The following STK39 variants were observed in gnomAD, a reference collection of about 807,000 sequenced individuals.
STK39 encodes the protein serine/threonine kinase 39.
In STK39, 20 loss-of-function variants were observed where a neutral mutation model predicts 77.8. The ratio of observed to expected loss-of-function variants is 0.26; its 90% CI spans 0.18 to 0.37. The LOEUF (loss-of-function observed/expected upper bound fraction) is 0.37. Ranked by LOEUF, STK39 falls within the 10% of genes least tolerant of loss-of-function variation. The pLI, the probability that STK39 is intolerant of heterozygous loss-of-function variation, is 1.00. For synonymous variants in STK39, 246 were observed against 234.1 expected, an observed-to-expected ratio of 1.05 and a Z score of -0.47; for missense variants, 479 against 656.5, an observed-to-expected ratio of 0.73 and a Z score of 2.95.
At chr2:168,016,464 G>A (rs1166853287) in intron 15 of STK39, among the ~76,000 whole-genome samples, 1 of 148,136 alleles carries the variant, frequency 6.8e-6, no homozygotes, top group African/African-American at 2.5e-5. Flanking sequence ...CCAGTTTCCT[G>A]AAGTGCTCAC....
chr2:168,148,983 A>G (rs142375849), intron 5 of STK39, among the ~76,000 whole-genome samples: 5 of 152,324 alleles, frequency 3.3e-5, no homozygotes, highest in Non-Finnish European at 7.3e-5. Flanking sequence ...TTAGAATATG[A>G]TAACTTCTCA....
In STK39 at chr2:168,172,209, G is replaced by A. The variant is rs146221963; in HGVS notation, c.322-4802C>T. Among the ~76,000 whole-genome samples the A allele has an allele frequency of 2.5e-3, 375 of 152,214 alleles. 4 individuals are homozygous for A. Among genetic ancestry groups the A allele is most frequent in the African/African-American group, 8.7e-3 (363 of 41,538 alleles). On this transcript the variant is annotated intron_variant, in intron 2 of 17. Coordinates refer to ENST00000355999, the MANE Select transcript of STK39 (RefSeq NM_013233.3). The stretch of plus-strand genomic sequence containing the variant: ...GTCTGTTCAATGTCTCAGTTTCTTC[G>A]TTGCGTGTGAGCATCGCCCTAATCT...
At chr2:168,043,448 A>C (rs1185108004) in intron 14 of STK39, among the ~76,000 whole-genome samples, 3 of 152,220 alleles carry the variant, frequency 2.0e-5, no homozygotes, top group East Asian at 3.8e-4. Flanking sequence ...AGGCAAACAA[A>C]CAACCCCCAA....
intron 2 of STK39, among the ~76,000 whole-genome samples, chr2:168,170,475 G>A (rs145223448): frequency 2.9e-3 from 437 of 152,282 alleles, no homozygotes; most frequent in Non-Finnish European, 4.6e-3. Context: ...GAGTTAAAGC[G>A]GTGCTTCCCT....
chr2:168,038,350 A>T (rs1394261648), intron 14 of STK39, among the ~76,000 whole-genome samples: 1 of 152,082 alleles, frequency 6.6e-6, no homozygotes, highest in Non-Finnish European at 1.5e-5. Flanking sequence ...ACAAGTGTGT[A>T]TCTGGAAGGA....
chr2:168,219,065 C>A (rs745651917), intron 1 of STK39, among the ~76,000 whole-genome samples: 1 of 152,018 alleles, frequency 6.6e-6, no homozygotes, highest in Admixed American at 6.6e-5. Flanking sequence ...TTAGGTGGAA[C>A]CTTGAAAGAT....
chr2:167,975,749 G>A (rs1248469185), intron 16 of STK39, among the ~76,000 whole-genome samples: 1 of 152,204 alleles, frequency 6.6e-6, no homozygotes. Flanking sequence ...GGGAGGCGGA[G>A]TTTGCAGTGC....
chr2:168,115,082 C>T (rs763998991), intron 10 of STK39, among the ~76,000 whole-genome samples: 1 of 152,090 alleles, frequency 6.6e-6, no homozygotes, highest in African/African-American at 2.4e-5. Flanking sequence ...GCCTGAAGTA[C>T]CTCGTATAAT....
chr2:168,091,721 A>C (rs1279770442), intron 10 of STK39, among the ~76,000 whole-genome samples: 1 of 152,170 alleles, frequency 6.6e-6, no homozygotes, highest in African/African-American at 2.4e-5. Context: ...TAAATGCATA[A>C]GGTGAAAATA....
intron 8 of STK39, among the ~76,000 whole-genome samples, chr2:168,133,826 C>A (rs1687763202): frequency 6.6e-6 from 1 of 151,370 alleles, no homozygotes; most frequent in Non-Finnish European, 1.5e-5. Context: ...CCATTCCACT[C>A]CAGCCTGGGT....
In STK39 at chr2:168,182,134, G is replaced by A. The variant is rs1246909039; in HGVS notation, c.209-44C>T. ...AACATCAGCGATCAAATGGCACACT[G>A]TGAGGTTACTATCTGTAACTATTTT... On this transcript the variant is annotated intron_variant, in intron 1 of 17. Coordinates refer to ENST00000355999, the MANE Select transcript of STK39 (RefSeq NM_013233.3). 7 of 1,504,160 alleles carry A rather than the reference G, an allele frequency of 4.7e-6. 1 individual carries two copies. In the South Asian group the frequency reaches 7.9e-5, roughly 17 times the overall value. 93.2% of individuals were successfully genotyped at this position (1,504,160 alleles called of 1,614,324 possible).
At chr2:168,235,192 C>G (rs1470431599) in intron 1 of STK39, among the ~76,000 whole-genome samples, 1 of 152,056 alleles carries the variant, frequency 6.6e-6, no homozygotes, top group East Asian at 1.9e-4. Context: ...CATGTGCCAC[C>G]ATGCCCAGCT....
At chr2:168,134,880 C>T (rs1355194320) in intron 8 of STK39, among the ~76,000 whole-genome samples, 2 of 152,156 alleles carry the variant, frequency 1.3e-5, no homozygotes, top group East Asian at 3.8e-4. Flanking sequence ...CACCAGTAAA[C>T]TTTCAGGTTA....
chr2:168,119,799 C>T (rs1574480642), intron 10 of STK39, among the ~76,000 whole-genome samples: 1 of 152,080 alleles, frequency 6.6e-6, no homozygotes, highest in Non-Finnish European at 1.5e-5. Flanking sequence ...GCATAACCTT[C>T]GATATTTTAT....
chr2:168,011,248 G>A (rs1379612965), intron 16 of STK39, among the ~76,000 whole-genome samples: 1 of 146,382 alleles, frequency 6.8e-6, no homozygotes, highest in Non-Finnish European at 1.5e-5. Flanking sequence ...GCAGTGGGCC[G>A]AGATTACACC....
At chr2:168,235,598 T>TC (rs1252207942) in intron 1 of STK39, among the ~76,000 whole-genome samples, 1 of 85,606 alleles carries the variant, frequency 1.2e-5, no homozygotes, top group East Asian at 4.2e-4. Context: ...ATGCTATCCC[T>TC]CCCCCCTCCC....
intron 5 of STK39, 66 bp from the exon 6 acceptor site, chr2:168,140,824 T>C: frequency 1.5e-6 from 2 of 1,310,298 alleles, no homozygotes; most frequent in African/African-American, 1.5e-5. Flanking sequence ...TTGTGATTTT[T>C]TGAGCATGTC....
chr2:168,091,730 T>C (rs922974466), intron 10 of STK39, among the ~76,000 whole-genome samples: 4 of 152,116 alleles, frequency 2.6e-5, no homozygotes, highest in South Asian at 4.1e-4. Flanking sequence ...AAGGTGAAAA[T>C]AGGATAACAA....
At chr2:167,977,644 G>A (rs1246321928) in intron 16 of STK39, among the ~76,000 whole-genome samples, 9 of 151,014 alleles carry the variant, frequency 6.0e-5, no homozygotes, top group African/African-American at 1.7e-4. Flanking sequence ...TTGTTTCTTT[G>A]AAAATGAGTA....
Sources: allele counts gnomAD v4.1 joint callset (sites outside exome capture counted in the v4.1 genomes callset), GRCh38; gene constraint gnomAD v4.1.1; transcripts MANE v1.5; gene names NCBI Gene and HGNC (gene_info 2026-07-23, HGNC 2026-07-21).